CHL1: variants seen among roughly 807,000 people sequenced by gnomAD.
The protein encoded by CHL1 is cell adhesion molecule L1 like.
In CHL1, 96 loss-of-function variants were observed where a neutral mutation model predicts 141.9. The observed-to-expected ratio is 0.68, with a 90% CI of 0.57 to 0.80. The LOEUF (loss-of-function observed/expected upper bound fraction) is 0.80. CHL1 is among the 30% of genes least tolerant of loss of function. The pLI, the probability that CHL1 is intolerant of heterozygous loss-of-function variation, is 0.00. For synonymous variants in CHL1, 613 were observed against 502.2 expected (o/e 1.22, Z -2.95); for missense variants, 1,820 against 1,457.2 (o/e 1.25, Z -4.05).
chr3:310,273 T>C (rs1325459871), intron 2 of CHL1, among the ~76,000 whole-genome samples: 3 of 152,050 alleles, frequency 2.0e-5, no homozygotes, highest in Non-Finnish European at 4.4e-5. Context: ...TCTATAATTT[T>C]TTTTTTAATT....
chr3:251,918 A>G lies in CHL1; in HGVS notation c.-95+7226A>G, dbSNP rs543519376. Among the ~76,000 whole-genome samples the G allele has an allele frequency of 2.0e-5, 3 of 152,196 alleles. No individual in the cohort carries two copies. The East Asian group carries it at 5.8e-4, about 29-fold the overall frequency. On this transcript the variant is annotated intron_variant, in intron 2 of 27. Transcript: ENST00000256509. Reference sequence around the variant, plus strand: ...TCAAATCATTCCTTTTGTAATTGTCACATTTTTACAGTCCTGTTTAAAACA... The same window carrying G: ...TCAAATCATTCCTTTTGTAATTGTCGCATTTTTACAGTCCTGTTTAAAACA...
chr3:328,015 G>A (rs954259949), intron 4 of CHL1, 152 bp from the exon 5 acceptor site: 9 of 436,468 alleles, frequency 2.1e-5, no homozygotes, highest in Admixed American at 1.3e-4. Context: ...AGATTCTTCT[G>A]AGACCCTTAT....
intron 9 of CHL1, among the ~76,000 whole-genome samples, chr3:347,912 G>C (rs952935957): frequency 6.6e-6 from 1 of 152,190 alleles, no homozygotes; most frequent in African/African-American, 2.4e-5. Context: ...AGGCTTGAAG[G>C]AAGAAGGAAA....
intron 1 of CHL1, among the ~76,000 whole-genome samples, chr3:226,648 TG>T (rs1433381020): frequency 2.0e-5 from 3 of 151,944 alleles, no homozygotes; most frequent in African/African-American, 7.2e-5. Flanking sequence ...GGTTTCACCA[TG>T]TTGGCCAGAC....
intron 14 of CHL1, among the ~76,000 whole-genome samples, chr3:364,634 A>G (rs1410454604): frequency 6.6e-6 from 1 of 152,092 alleles, no homozygotes; most frequent in Non-Finnish European, 1.5e-5. Flanking sequence ...AGGATTAAGG[A>G]CACTTTTTTT....
intron 5 of CHL1, among the ~76,000 whole-genome samples, chr3:332,051 A>G (rs145882069): frequency 3.7e-4 from 56 of 152,336 alleles, no homozygotes; most frequent in Non-Finnish European, 6.3e-4. Flanking sequence ...GCTCTTACTT[A>G]TGACCAAACA....
chr3:297,682 A>G (rs1429976973), intron 2 of CHL1, among the ~76,000 whole-genome samples: 1 of 152,226 alleles, frequency 6.6e-6, no homozygotes, highest in African/African-American at 2.4e-5. Context: ...AACACTTCAA[A>G]TACCATTTGG....
At chr3:271,035 C>G (rs1695589180) in intron 2 of CHL1, among the ~76,000 whole-genome samples, 1 of 152,104 alleles carries the variant, frequency 6.6e-6, no homozygotes, top group Non-Finnish European at 1.5e-5. Context: ...GAGGTATAAG[C>G]CTCATCTCTC....
chr3:385,786 C>A (rs1707628640), intron 19 of CHL1: 1 of 142,006 alleles, frequency 7.0e-6, no homozygotes, highest in African/African-American at 2.5e-5. Context: ...TGAGATCATG[C>A]CACTACGCTC....
chr3:396,134 A>T (rs1440565862), intron 24 of CHL1, among the ~76,000 whole-genome samples: 4 of 152,226 alleles, frequency 2.6e-5, no homozygotes, highest in Admixed American at 2.6e-4. Flanking sequence ...CTCACAAAGT[A>T]TTCCCAGGGA....
intron 9 of CHL1, among the ~76,000 whole-genome samples, chr3:346,110 T>G (rs1702749547): frequency 6.6e-6 from 1 of 152,206 alleles, no homozygotes; most frequent in Non-Finnish European, 1.5e-5. Context: ...TCATATTCAT[T>G]CATAATTTAG....
At chr3:329,047 T>C (rs897704600) in intron 5 of CHL1, among the ~76,000 whole-genome samples, 3 of 152,186 alleles carry the variant, frequency 2.0e-5, no homozygotes, top group Non-Finnish European at 4.4e-5. Flanking sequence ...ACTTTGTTGT[T>C]AGAGGTGTAT....
At chr3:217,326 C>G (rs1480164510) in intron 1 of CHL1, among the ~76,000 whole-genome samples, 3 of 152,032 alleles carry the variant, frequency 2.0e-5, no homozygotes, top group Non-Finnish European at 1.5e-5. Flanking sequence ...TTCATTTATT[C>G]ATGCATCAAA....
In CHL1 at chr3:222,477, C is replaced by T. The variant is rs138179587; in HGVS notation, c.-174-22136C>T. Among the ~76,000 whole-genome samples, 968 of 152,298 alleles carry T rather than the reference C, an allele frequency of 6.4e-3. 11 individuals carry two copies. The highest frequency in any genetic ancestry group is 0.022 in the African/African-American group (923 of 41,552). ...GATTACCTAATTACCCAATCAAACC[C>T]AAACACTTATATAACCTCCTTTCAG... On this transcript the variant is annotated intron_variant, in intron 1 of 27. Transcript: ENST00000256509.
chr3:360,659 A>G (rs1466676044), intron 12 of CHL1, among the ~76,000 whole-genome samples: 1 of 150,370 alleles, frequency 6.7e-6, no homozygotes, highest in Non-Finnish European at 1.5e-5. Flanking sequence ...TTACATATGT[A>G]TACATGTGCC....
chr3:310,404 G>A (rs975412361), intron 2 of CHL1, among the ~76,000 whole-genome samples: 15 of 152,168 alleles, frequency 9.9e-5, no homozygotes, highest in African/African-American at 3.6e-4. Context: ...TCAGTCTGCT[G>A]TGATTTTAGG....
chr3:298,601 A>G (rs1698424124), intron 2 of CHL1, among the ~76,000 whole-genome samples: 1 of 152,204 alleles, frequency 6.6e-6, no homozygotes, highest in Admixed American at 6.5e-5. Flanking sequence ...TTTGATAGAT[A>G]GGGACTGTCT....
intron 27 of CHL1, among the ~76,000 whole-genome samples, chr3:402,743 T>C (rs1425443663): frequency 6.6e-6 from 1 of 152,200 alleles, no homozygotes; most frequent in Non-Finnish European, 1.5e-5. Context: ...TTTATATTTT[T>C]ATATTTCTTA....
chr3:380,168 C>T (rs1204421758), intron 16 of CHL1, among the ~76,000 whole-genome samples: 2 of 152,258 alleles, frequency 1.3e-5, no homozygotes, highest in East Asian at 3.9e-4. Context: ...AACCAAAGTC[C>T]TCTGAGCTCA....
Sources: gnomAD v4.1 joint callset for allele counts (sites outside exome capture counted in the v4.1 genomes callset) on GRCh38, gnomAD v4.1.1 for gene constraint, MANE v1.5 for transcripts, NCBI Gene and HGNC (gene_info 2026-07-23, HGNC 2026-07-21) for gene names.